Variants in KIF18A observed in about 807,000 individuals in gnomAD.
KIF18A encodes the protein kinesin family member 18A.
A neutral mutation model predicts 103.3 loss-of-function variants in KIF18A; 67 were observed. The ratio of observed to expected loss-of-function variants is 0.65; its 90% CI spans 0.53 to 0.79. KIF18A has a LOEUF of 0.79. Ranked by LOEUF, KIF18A falls within the 30% of genes least tolerant of loss-of-function variation. The pLI, the probability that KIF18A is intolerant of heterozygous loss-of-function variation, is 0.00. For synonymous variants in KIF18A, 367 were observed against 355.5 expected (o/e 1.03, Z -0.36); for missense variants, 1,032 against 1,062.5 (o/e 0.97, Z 0.40).
At chr11:28,041,873 G>T (rs1224089141) in intron 13 of KIF18A, among the ~76,000 whole-genome samples, 1 of 151,678 alleles carries the variant, frequency 6.6e-6, no homozygotes, top group African/African-American at 2.4e-5. Context: ...TAAATTAAGA[G>T]AAATTGACAA....
At chr11:28,037,587 T>C (rs1850510068) in intron 13 of KIF18A, among the ~76,000 whole-genome samples, 1 of 151,550 alleles carries the variant, frequency 6.6e-6, no homozygotes, top group African/African-American at 2.4e-5. Flanking sequence ...GTCCCCAGGA[T>C]ATTGAGAGAA....
Position 28,059,138 on chromosome 11 carries a change from G to A in KIF18A, c.1736C>T (p.Thr579Ile). 1.2e-6 allele frequency: 2 copies of A among 1,613,554 alleles called. No homozygotes were observed. The highest frequency in any genetic ancestry group is 1.7e-6 in the Non-Finnish European group (2 of 1,179,598). ...TEAVLNALLP[T>I]LRKQYCTLKE... ...TAATGTGCAATATTGTTTTCTTAGG[G>A]TTGGAAGTAAAGCATTCAATACTCT... The change falls in exon 13 of 17, where the codon ACC becomes ATC. Residue 579 changes from threonine (T) to isoleucine (I), a missense_variant. Transcript: ENST00000263181.
At chr11:28,022,141 A>G (rs896390208) in intron 16 of KIF18A, among the ~76,000 whole-genome samples, 2 of 152,128 alleles carry the variant, frequency 1.3e-5, no homozygotes, top group African/African-American at 4.8e-5. Context: ...GTGGTTTATT[A>G]TCATCTCCCA....
intron 13 of KIF18A, among the ~76,000 whole-genome samples, chr11:28,056,514 G>A (rs889015195): frequency 2.0e-5 from 3 of 151,990 alleles, no homozygotes; most frequent in African/African-American, 7.2e-5. Flanking sequence ...GTAGAGGAGA[G>A]AGCAAAAGTG....
intron 13 of KIF18A, among the ~76,000 whole-genome samples, chr11:28,050,962 A>C (rs1166931211): frequency 6.6e-6 from 1 of 151,872 alleles, no homozygotes; most frequent in East Asian, 1.9e-4. Context: ...TAGGCTTATT[A>C]ATTTAAGAAA....
At chr11:28,088,498 T>G (rs368417819) in intron 6 of KIF18A, 26 bp downstream of exon 6, 84 of 1,572,564 alleles carry the variant, frequency 5.3e-5, no homozygotes, top group Non-Finnish European at 7.2e-5. Flanking sequence ...TTCAAACTAT[T>G]TAACAAATAA....
intron 13 of KIF18A, among the ~76,000 whole-genome samples, chr11:28,047,235 T>G (rs906814646): frequency 7.2e-5 from 11 of 152,058 alleles, no homozygotes; most frequent in Non-Finnish European, 2.9e-5. Flanking sequence ...CAATGACAAG[T>G]CAAATCCAAA....
intron 6 of KIF18A, among the ~76,000 whole-genome samples, chr11:28,086,952 T>C (rs1286928434): frequency 6.6e-6 from 1 of 152,138 alleles, no homozygotes; most frequent in Non-Finnish European, 1.5e-5. Context: ...GCAATCTTCA[T>C]GTGATTTCAG....
At chr11:28,038,435 A>G (rs575332628) in intron 13 of KIF18A, among the ~76,000 whole-genome samples, 134 of 151,736 alleles carry the variant, frequency 8.8e-4, no homozygotes, top group African/African-American at 3.1e-3. Context: ...CTTTGCTTGG[A>G]GTGTACGGTC....
Position 28,022,593 on chromosome 11 carries a change from A to G in KIF18A, c.2614+1148T>C, listed in dbSNP as rs112716360. ...ATTTGAGAGTTTTTATAAATTTATTATTTGGCTGTAGAATTATGATTCTTG... is the reference window on the plus strand; with the variant it reads ...ATTTGAGAGTTTTTATAAATTTATTGTTTGGCTGTAGAATTATGATTCTTG... On this transcript the variant is annotated intron_variant, in intron 16 of 16. Coordinates refer to ENST00000263181, the MANE Select transcript of KIF18A (RefSeq NM_031217.4). Among the ~76,000 whole-genome samples, 100 of 152,246 alleles carry G rather than the reference A, an allele frequency of 6.6e-4. 1 individual carries two copies. The highest frequency in any genetic ancestry group is 2.3e-3 in the African/African-American group (96 of 41,570).
chr11:28,074,806 G>C (rs964502846), intron 10 of KIF18A, among the ~76,000 whole-genome samples: 2 of 152,062 alleles, frequency 1.3e-5, no homozygotes, highest in Non-Finnish European at 2.9e-5. Context: ...AGAGGAATGG[G>C]TTGTTACTTA....
In KIF18A at chr11:28,066,764, T is replaced by A. The variant is rs1240028775; in HGVS notation, c.1590+2495A>T. ...TCTATGACCCCCAAAAAGGTCAGAATCATTGTTCTGGAAGAGAAATTATAT... is the reference window on the plus strand; with the variant it reads ...TCTATGACCCCCAAAAAGGTCAGAAACATTGTTCTGGAAGAGAAATTATAT... On this transcript the variant is annotated intron_variant, in intron 11 of 16. Transcript: ENST00000263181. 2.7e-5 allele frequency among the ~76,000 whole-genome samples: 4 copies of A among 149,602 alleles called. No individual in the cohort carries two copies. The East Asian group carries it at 7.8e-4, about 29-fold the overall frequency.
At chr11:28,071,764 A>G (rs1054763341) in intron 10 of KIF18A, among the ~76,000 whole-genome samples, 10 of 152,166 alleles carry the variant, frequency 6.6e-5, no homozygotes, top group Non-Finnish European at 1.5e-5. Context: ...TATTCAGCAG[A>G]TGTAAAAATT....
chr11:28,077,476 A>C (rs1590699189), intron 9 of KIF18A, among the ~76,000 whole-genome samples: 1 of 152,176 alleles, frequency 6.6e-6, no homozygotes, highest in Non-Finnish European at 1.5e-5. Context: ...TTACATCTAT[A>C]TGTAATCCTA....
chr11:28,067,693 A>AT (rs1218378519), intron 11 of KIF18A, among the ~76,000 whole-genome samples: 1 of 152,200 alleles, frequency 6.6e-6, no homozygotes, highest in African/African-American at 2.4e-5. Flanking sequence ...AGAAGTTTCC[A>AT]TATCAATTAG....
intron 12 of KIF18A, among the ~76,000 whole-genome samples, chr11:28,059,385 A>C (rs1850829421): frequency 6.6e-6 from 1 of 152,144 alleles, no homozygotes; most frequent in African/African-American, 2.4e-5. Flanking sequence ...ATAAATAGCC[A>C]CTACTTATAA....
At position 28,083,231 on chromosome 11, in the gene KIF18A, C is replaced by T. The variant is rs1851187772; in HGVS notation, c.1087G>A (p.Val363Ile). 11 of 1,554,880 alleles carry T rather than the reference C, an allele frequency of 7.1e-6. No homozygotes were observed. Among genetic ancestry groups the T allele is most frequent in the Non-Finnish European group, 9.5e-6 (11 of 1,161,566 alleles). Residue 363 changes from valine (V) to isoleucine (I), a missense_variant, in exon 8 of 17, where the codon GTT (valine) becomes ATT (isoleucine). Physicochemically the swap from Val to Ile is conservative, Grantham distance 29. Transcript: ENST00000263181. Reference protein sequence around the residue: ...KDIKSSLKSNVLNVNNHITQY... With the variant: ...KDIKSSLKSNILNVNNHITQY... ...GTTATATGATTATTGACATTAAGAACATTGCTCTTCAACTGTTGAAAGATA... is the reference window on the plus strand; with the variant it reads ...GTTATATGATTATTGACATTAAGAATATTGCTCTTCAACTGTTGAAAGATA...
intron 2 of KIF18A, among the ~76,000 whole-genome samples, chr11:28,096,375 T>G (rs917864861): frequency 6.6e-6 from 1 of 152,156 alleles, no homozygotes. Context: ...TAGGATGAAT[T>G]AAGATGGTGT....
chr11:28,080,429 C>T (rs1842466412), intron 9 of KIF18A, among the ~76,000 whole-genome samples: 1 of 149,872 alleles, frequency 6.7e-6, no homozygotes, highest in Admixed American at 6.7e-5. Flanking sequence ...ATTTTTCCTA[C>T]AGCATGAGCA....
Sources: gnomAD v4.1 joint callset for allele counts (sites outside exome capture counted in the v4.1 genomes callset) on GRCh38, gnomAD v4.1.1 for gene constraint, MANE v1.5 for transcripts, NCBI Gene and HGNC (gene_info 2026-07-23, HGNC 2026-07-21) for gene names.